Variants in IQGAP1 observed in about 807,000 individuals in gnomAD.
IQGAP1 encodes the protein ras GTPase-activating-like protein IQGAP1.
In IQGAP1, 66 loss-of-function variants were observed where a neutral mutation model predicts 215.6. The observed-to-expected ratio is 0.31, with a 90% CI of 0.25 to 0.38. IQGAP1 has a LOEUF of 0.38. Ranked by LOEUF, IQGAP1 falls within the 10% of genes least tolerant of loss-of-function variation. The pLI is 1.00. For missense variants in IQGAP1, 1,712 were observed against 1,997.1 expected, an observed-to-expected ratio of 0.86 and a Z score of 2.72; for synonymous variants, 772 against 728.7, an observed-to-expected ratio of 1.06 and a Z score of -0.96.
Position 90,472,943 on chromosome 15 carries a change from T to G in IQGAP1, c.2282T>G (p.Val761Gly), listed in dbSNP as rs748152974. Residue 761 changes from valine (V) to glycine (G), a missense_variant, in exon 19 of 38, where the codon GTT (valine) becomes GGT (glycine). Val to Gly is a moderately radical substitution (Grantham distance 109). Transcript: ENST00000268182. ...CAGGCTCGCTGCCGTGGATACTTAG[T>G]TCGACAGGAATTCCGATCCAGGATG... ...RLQARCRGYL[V>G]RQEFRSRMNF... is the part of the protein sequence containing the mutation. 16 of 1,614,042 alleles carry G rather than the reference T, an allele frequency of 9.9e-6. No individual in the cohort carries two copies. Among genetic ancestry groups the G allele is most frequent in the Non-Finnish European group, 1.4e-5 (16 of 1,179,970 alleles).
At chr15:90,492,754 G>C in intron 35 of IQGAP1, 43 bp downstream of exon 35, 1 of 1,543,224 alleles carries the variant, frequency 6.5e-7, no homozygotes, top group Non-Finnish European at 8.8e-7. Context: ...CAGAATTAGA[G>C]TGAGGAAAAA....
At chr15:90,401,772 C>T (rs1964808299) in intron 2 of IQGAP1, among the ~76,000 whole-genome samples, 2 of 152,326 alleles carry the variant, frequency 1.3e-5, no homozygotes, top group South Asian at 4.1e-4. Context: ...AGTCCTTTCT[C>T]TTAACTGCCA....
intron 5 of IQGAP1, among the ~76,000 whole-genome samples, chr15:90,436,039 C>T (rs1965366111): frequency 6.7e-6 from 1 of 150,102 alleles, no homozygotes; most frequent in Non-Finnish European, 1.5e-5. Context: ...AAAAATACTA[C>T]CTCTCTGTCT....
At chr15:90,435,576 T>C (rs143078573) in intron 5 of IQGAP1, among the ~76,000 whole-genome samples, 30 of 152,372 alleles carry the variant, frequency 2.0e-4, no homozygotes, top group African/African-American at 7.0e-4. Flanking sequence ...GATTTGTCCA[T>C]GTTGATAATC....
At chr15:90,406,815 T>C (rs1321974020) in intron 2 of IQGAP1, among the ~76,000 whole-genome samples, 1 of 152,166 alleles carries the variant, frequency 6.6e-6, no homozygotes, top group Non-Finnish European at 1.5e-5. Flanking sequence ...TGTCCTACAT[T>C]GGAGTTCAAA....
chr15:90,485,340 A>C (rs1966112195), intron 30 of IQGAP1, among the ~76,000 whole-genome samples: 1 of 152,202 alleles, frequency 6.6e-6, no homozygotes, highest in African/African-American at 2.4e-5. Context: ...ATTAAGTAAA[A>C]GCGTGCACGT....
chr15:90,433,622 A>G, intron 4 of IQGAP1, 97 bp from the exon 5 acceptor site: 1 of 711,788 alleles, frequency 1.4e-6, no homozygotes, highest in Non-Finnish European at 2.4e-6. Context: ...GATGTTTTCT[A>G]ACTGTCCATA....
chr15:90,474,181 A>G (rs1209133591), intron 22 of IQGAP1, 48 bp downstream of exon 22: 1 of 1,519,268 alleles, frequency 6.6e-7, no homozygotes, highest in African/African-American at 1.4e-5. Flanking sequence ...GCTGGGAGCC[A>G]CCAAGTTCAG....
At chr15:90,455,300 T>A (rs1965663291) in intron 14 of IQGAP1, among the ~76,000 whole-genome samples, 2 of 152,228 alleles carry the variant, frequency 1.3e-5, no homozygotes, top group African/African-American at 4.8e-5. Context: ...CCCTGGAGAA[T>A]GGGAGGCCAG....
chr15:90,443,384 T>A lies in IQGAP1; in HGVS notation c.829-10T>A. On this transcript the variant is annotated splice_polypyrimidine_tract_variant and intron_variant, in intron 8 of 37. Coordinates refer to ENST00000268182, the MANE Select transcript of IQGAP1 (RefSeq NM_003870.4). ...AAGCTAACTTAATTACGCTTTTTACTCATCCTCAGACAGAAAACTCAGAGA... is the reference window on the plus strand; with the variant it reads ...AAGCTAACTTAATTACGCTTTTTACACATCCTCAGACAGAAAACTCAGAGA... The A allele has an allele frequency of 6.3e-7, 1 of 1,598,084 alleles. No homozygotes were observed. Among genetic ancestry groups the A allele is most frequent in the Non-Finnish European group, 8.6e-7 (1 of 1,166,114 alleles).
intron 4 of IQGAP1, among the ~76,000 whole-genome samples, chr15:90,432,073 G>GT (rs1056083596): frequency 5.3e-5 from 8 of 151,990 alleles, no homozygotes; most frequent in Non-Finnish European, 8.8e-5. Context: ...CATTTTCATG[G>GT]TTTCATTTAT....
intron 36 of IQGAP1, chr15:90,496,747 A>G (rs1966279905): frequency 1.3e-5 from 2 of 152,820 alleles, no homozygotes; most frequent in South Asian, 4.1e-4. Flanking sequence ...GCTTATATAC[A>G]CAGCACCTAC....
At chr15:90,407,694 A>G (rs1326204937) in intron 2 of IQGAP1, among the ~76,000 whole-genome samples, 1 of 152,208 alleles carries the variant, frequency 6.6e-6, no homozygotes, top group Non-Finnish European at 1.5e-5. Flanking sequence ...TTTATTTTGA[A>G]TGACTTGATA....
At chr15:90,448,265 T>C (rs1369510835) in intron 9 of IQGAP1, among the ~76,000 whole-genome samples, 1 of 152,214 alleles carries the variant, frequency 6.6e-6, no homozygotes, top group Non-Finnish European at 1.5e-5. Flanking sequence ...TTAAGCGTCA[T>C]GTTGGTCTGG....
intron 3 of IQGAP1, among the ~76,000 whole-genome samples, chr15:90,427,340 A>G (rs917711107): frequency 3.3e-5 from 5 of 152,210 alleles, no homozygotes; most frequent in African/African-American, 1.2e-4. Context: ...CTGGAGTTCA[A>G]GGTACAATGG....
intron 15 of IQGAP1, among the ~76,000 whole-genome samples, chr15:90,462,339 C>T (rs797003287): frequency 4.6e-5 from 7 of 152,304 alleles, no homozygotes; most frequent in East Asian, 3.9e-4. Context: ...GTTACTGTCC[C>T]AACCCTCCCA....
chr15:90,459,699 GTTTTT>G (rs1567133480), intron 15 of IQGAP1, among the ~76,000 whole-genome samples: 2 of 152,040 alleles, frequency 1.3e-5, no homozygotes, highest in Non-Finnish European at 2.9e-5. Flanking sequence ...TTTGGTTTGG[GTTTTT>G]TGTTTTGTTT....
chr15:90,427,940 A>G (rs1162406691), intron 3 of IQGAP1, among the ~76,000 whole-genome samples: 1 of 152,216 alleles, frequency 6.6e-6, no homozygotes, highest in South Asian at 2.1e-4. Flanking sequence ...GATAATTTTT[A>G]TGTTTTATGT....
rs748480128 is a variant in IQGAP1 at position 90,443,438 on chromosome 15, C to T, written c.873C>T (p.Leu291=). The change falls in exon 9 of 38, where the codon CTC becomes CTT. Residue 291 remains leucine, a synonymous_variant. Transcript: ENST00000268182. ...AAAGAGATGTTTATGAGGAGCTGCT[C>T]ACGCAAGCTGAAATTCAAGGCAATA... is the stretch of plus-strand genomic sequence containing the variant. ...ERERDVYEEL[L]TQAEIQGNIN... 3.6e-5 allele frequency: 58 copies of T among 1,613,204 alleles called. No individual in the cohort carries two copies. Among genetic ancestry groups the T allele is most frequent in the Non-Finnish European group, 4.5e-5 (53 of 1,179,366 alleles).
Sources: gnomAD v4.1 joint callset for allele counts (sites outside exome capture counted in the v4.1 genomes callset) on GRCh38, gnomAD v4.1.1 for gene constraint, MANE v1.5 for transcripts, NCBI Gene and HGNC (gene_info 2026-07-23, HGNC 2026-07-21) for gene names.